Variants in CBFA2T2 observed in about 807,000 individuals in gnomAD.
The protein encoded by CBFA2T2 is CBFA2/RUNX1 partner transcriptional co-repressor 2.
A neutral mutation model predicts 62.2 loss-of-function variants in CBFA2T2; 11 were observed. The ratio of observed to expected loss-of-function variants is 0.18; its 90% CI spans 0.11 to 0.29. The LOEUF (loss-of-function observed/expected upper bound fraction) is 0.29. Ranked by LOEUF, CBFA2T2 falls within the 10% of genes least tolerant of loss-of-function variation. The pLI is 1.00. For missense variants in CBFA2T2, 592 were observed against 774.1 expected (o/e 0.76, Z 2.79); for synonymous variants, 295 against 287.5 (o/e 1.03, Z -0.27).
At chr20:33,493,068 GT>G (rs1157324208) in intron 1 of CBFA2T2, among the ~76,000 whole-genome samples, 1,681 of 88,188 alleles carry the variant, frequency 0.019, 7 homozygotes, top group African/African-American at 0.048. Flanking sequence ...TGAAGTTTTG[GT>G]TTTTTTTTTT....
chr20:33,558,407 A>G (rs1217233249), intron 1 of CBFA2T2, among the ~76,000 whole-genome samples: 20 of 152,140 alleles, frequency 1.3e-4, no homozygotes, highest in Non-Finnish European at 1.2e-4. Flanking sequence ...CGCTGGGACT[A>G]TAGGTGTGAG....
At chr20:33,550,039 G>C (rs1600958189) in intron 1 of CBFA2T2, among the ~76,000 whole-genome samples, 2 of 152,068 alleles carry the variant, frequency 1.3e-5, no homozygotes, top group Admixed American at 6.5e-5. Flanking sequence ...ATAGAATTTG[G>C]ACAGTTTTTT....
intron 3 of CBFA2T2, among the ~76,000 whole-genome samples, chr20:33,612,491 A>G (rs866495089): frequency 6.6e-6 from 1 of 152,206 alleles, no homozygotes; most frequent in Non-Finnish European, 1.5e-5. Context: ...ATAATATAAC[A>G]GTAGACTAAA....
intron 3 of CBFA2T2, among the ~76,000 whole-genome samples, chr20:33,613,137 T>G (rs1306894840): frequency 2.6e-5 from 4 of 152,212 alleles, no homozygotes; most frequent in Non-Finnish European, 5.9e-5. Context: ...CAAGGCAAAA[T>G]GCAATATATG....
chr20:33,620,755 G>A (rs1417146443), intron 4 of CBFA2T2, among the ~76,000 whole-genome samples: 3 of 150,960 alleles, frequency 2.0e-5, no homozygotes, highest in Admixed American at 6.6e-5. Context: ...TTGAACCTGG[G>A]AGGTGCAGGT....
intron 2 of CBFA2T2, among the ~76,000 whole-genome samples, chr20:33,610,782 C>G (rs2122297380): frequency 6.6e-6 from 1 of 152,186 alleles, no homozygotes; most frequent in East Asian, 1.9e-4. Context: ...TGGCCCAGAC[C>G]CATCTCAAGC....
At chr20:33,609,823 A>C (rs1169867870) in intron 2 of CBFA2T2, among the ~76,000 whole-genome samples, 1 of 152,248 alleles carries the variant, frequency 6.6e-6, no homozygotes, top group African/African-American at 2.4e-5. Flanking sequence ...AAGCTAGGTA[A>C]AGATTAAATG....
At chr20:33,492,912 CATGCCTGGCTAATTT>C (rs1460536758) in intron 1 of CBFA2T2, among the ~76,000 whole-genome samples, 1 of 151,904 alleles carries the variant, frequency 6.6e-6, no homozygotes, top group Non-Finnish European at 1.5e-5. Flanking sequence ...TGCTCACCAC[CATGCCTGGCTAATTT>C]TTTTTTGTAT....
At position 33,619,500 on chromosome 20, in the gene CBFA2T2, G is replaced by A. The variant is rs764675071; in HGVS notation, c.421-17G>A. On this transcript the variant is annotated splice_polypyrimidine_tract_variant and intron_variant, in intron 3 of 10. Coordinates refer to ENST00000342704, the MANE Select transcript of CBFA2T2 (RefSeq NM_001032999.3). The stretch of plus-strand genomic sequence containing the variant: ...AGTCCAGTTTTGGAAGTTGAACAAG[G>A]TTATTTATCTTTTCAGAACTCAACA... 6 of 1,517,360 alleles carry A rather than the reference G, an allele frequency of 4.0e-6. No homozygotes were observed. The highest frequency in any genetic ancestry group is 1.4e-5 in the African/African-American group (1 of 70,432). The allele number at this position is 1,517,360 out of a possible 1,614,324, so 94.0% of individuals were successfully genotyped here. A position where few individuals can be genotyped will look rare whatever the true frequency, so the allele number is the denominator to read the frequency against.
At chr20:33,617,222 A>G (rs1398155882) in intron 3 of CBFA2T2, among the ~76,000 whole-genome samples, 1 of 151,332 alleles carries the variant, frequency 6.6e-6, no homozygotes, top group Non-Finnish European at 1.5e-5. Flanking sequence ...TGACAGAGCT[A>G]GACCCTATCT....
At chr20:33,548,124 T>A in intron 1 of CBFA2T2, among the ~76,000 whole-genome samples, 1 of 152,122 alleles carries the variant, frequency 6.6e-6, no homozygotes, top group Non-Finnish European at 1.5e-5. Flanking sequence ...TTGGAAATTA[T>A]ACAAAGAAGG....
intron 1 of CBFA2T2, among the ~76,000 whole-genome samples, chr20:33,554,558 TTTTTC>T (rs143747291): frequency 0.028 from 4,232 of 149,470 alleles, 198 homozygotes; most frequent in African/African-American, 0.098. Context: ...CTATTTTTCT[TTTTTC>T]TTTTCTTTTC....
In CBFA2T2 at chr20:33,554,065, G is replaced by A. The variant is rs139949651; in HGVS notation, c.35-52891G>A. On this transcript the variant is annotated intron_variant, in intron 1 of 10. Coordinates refer to ENST00000342704, the MANE Select transcript of CBFA2T2 (RefSeq NM_001032999.3). ...AATGTAGATTGAAATTTTACAATGCGTTTCATTTTCAAAAAAGACTATTTT... is the reference window on the plus strand; with the variant it reads ...AATGTAGATTGAAATTTTACAATGCATTTCATTTTCAAAAAAGACTATTTT... 5.6e-3 allele frequency among the ~76,000 whole-genome samples: 857 copies of A among 151,982 alleles called. 7 individuals are homozygous for A. The highest frequency in any genetic ancestry group is 0.02 in the African/African-American group (818 of 41,496).
intron 2 of CBFA2T2, among the ~76,000 whole-genome samples, chr20:33,609,434 G>A (rs1223268277): frequency 4.6e-5 from 7 of 151,992 alleles, no homozygotes; most frequent in African/African-American, 1.2e-4. Flanking sequence ...CTCAGGAGAC[G>A]GAGGTTGCAG....
At chr20:33,574,050 A>G in intron 1 of CBFA2T2, 2 of 1,411,716 alleles carry the variant, frequency 1.4e-6, no homozygotes, top group South Asian at 2.8e-5. Flanking sequence ...TGGCTGCCCA[A>G]AGTGCTGGGA....
chr20:33,490,344 G>T, intron 1 of CBFA2T2, 43 bp downstream of exon 1: 1 of 1,266,864 alleles, frequency 7.9e-7, no homozygotes, highest in Non-Finnish European at 9.9e-7. Context: ...GGGCGTGTGA[G>T]GGCCTGCGGC....
intron 1 of CBFA2T2, among the ~76,000 whole-genome samples, chr20:33,599,262 G>A (rs6059384): frequency 0.59 from 88,194 of 150,244 alleles, 27,139 homozygotes; most frequent in African/African-American, 0.78. Context: ...TCTGTCTCAA[G>A]AGAAAAAAAA....
chr20:33,587,851 C>T (rs1167329179), intron 1 of CBFA2T2, among the ~76,000 whole-genome samples: 3 of 152,218 alleles, frequency 2.0e-5, no homozygotes, highest in African/African-American at 7.2e-5. Flanking sequence ...AATCTCAACT[C>T]ATGATTTCTG....
At chr20:33,630,451 A>G (rs926691865) in intron 8 of CBFA2T2, among the ~76,000 whole-genome samples, 1 of 152,078 alleles carries the variant, frequency 6.6e-6, no homozygotes, top group Non-Finnish European at 1.5e-5. Flanking sequence ...GAAAGTGTTT[A>G]CCTTACCTTC....
Sources: gnomAD v4.1 joint callset for allele counts (sites outside exome capture counted in the v4.1 genomes callset) on GRCh38, gnomAD v4.1.1 for gene constraint, MANE v1.5 for transcripts, NCBI Gene and HGNC (gene_info 2026-07-23, HGNC 2026-07-21) for gene names.